SLC4A5: variants seen among roughly 807,000 people sequenced by gnomAD.
SLC4A5 encodes the protein electrogenic sodium bicarbonate cotransporter 4.
In SLC4A5, 96 loss-of-function variants were observed where a neutral mutation model predicts 120.4. That is an observed-to-expected ratio of 0.80 (90% CI 0.68 to 0.94). The LOEUF is 0.94. SLC4A5 is among the 40% of genes least tolerant of loss of function. The probability of loss-of-function intolerance (pLI) is 0.00; values close to 1 mark genes in which losing one functional copy is unlikely to be tolerated. For missense variants in SLC4A5, 1,259 were observed against 1,459.5 expected (o/e 0.86, Z 2.24); for synonymous variants, 550 against 571.1 (o/e 0.96, Z 0.53).
At chr2:74,219,210 TGTGTG>T (rs1558861638) in intron 30 of SLC4A5, among the ~76,000 whole-genome samples, 25 of 112,264 alleles carry the variant, frequency 2.2e-4, no homozygotes, top group African/African-American at 1.4e-3. Context: ...TGTGTGTGTG[TGTGTG>T]TGTGTTTGTG....
intron 5 of SLC4A5, among the ~76,000 whole-genome samples, chr2:74,323,824 A>G (rs555380151): frequency 9.4e-4 from 143 of 152,360 alleles, no homozygotes; most frequent in African/African-American, 3.2e-3. Flanking sequence ...CTGTGGTTGT[A>G]AGATAGTTAA....
rs567105273 is a variant in SLC4A5, at chr2:74,229,548, A to AC, written c.2848-1671dup. Reference sequence around the variant, plus strand: ...TGGGATTACAGGCTTGAGCCACCACACCCAGCCTGATTCGAGCTTTTTAAT... The same window carrying AC: ...TGGGATTACAGGCTTGAGCCACCACACCCCAGCCTGATTCGAGCTTTTTAAT... On this transcript the variant is annotated intron_variant, in intron 25 of 30. Coordinates refer to ENST00000394019, the Ensembl canonical transcript of SLC4A5. 2.8e-3 allele frequency among the ~76,000 whole-genome samples: 421 copies of AC among 152,006 alleles called. 4 individuals carry two copies. Among genetic ancestry groups the AC allele is most frequent in the African/African-American group, 9.6e-3 (400 of 41,472 alleles).
chr2:74,323,520 C>G (rs1040945065), intron 5 of SLC4A5, among the ~76,000 whole-genome samples: 2 of 152,010 alleles, frequency 1.3e-5, no homozygotes, highest in African/African-American at 4.8e-5. Flanking sequence ...CAGCTGTGTC[C>G]TCAAAAATCA....
intron 4 of SLC4A5, among the ~76,000 whole-genome samples, chr2:74,330,238 T>A (rs941101179): frequency 6.6e-6 from 1 of 151,204 alleles, no homozygotes; most frequent in Non-Finnish European, 1.5e-5. Flanking sequence ...GAGGTGTAGA[T>A]GGTGATGGTG....
At chr2:74,294,129 G>A (rs1050506612) in intron 7 of SLC4A5, among the ~76,000 whole-genome samples, 1 of 152,198 alleles carries the variant, frequency 6.6e-6, no homozygotes, top group African/African-American at 2.4e-5. Context: ...GGCTGGAGAA[G>A]GCCTAAGTAT....
intron 15 of SLC4A5, 72 bp downstream of exon 15, chr2:74,252,902 A>AG: frequency 6.5e-7 from 1 of 1,547,318 alleles, no homozygotes; most frequent in Non-Finnish European, 8.9e-7. Context: ...ATGTATTTTA[A>AG]AGAGAAATAA....
intron 6 of SLC4A5, among the ~76,000 whole-genome samples, chr2:74,310,639 C>G (rs757010608): frequency 8.7e-4 from 133 of 152,044 alleles, no homozygotes; most frequent in Admixed American, 4.6e-4. Flanking sequence ...CCTTAAATAC[C>G]TGGGATAAAT....
intron 30 of SLC4A5, among the ~76,000 whole-genome samples, chr2:74,221,163 T>C (rs909231211): frequency 2.6e-5 from 4 of 152,240 alleles, no homozygotes; most frequent in Non-Finnish European, 5.9e-5. Flanking sequence ...CTTTCAATTT[T>C]TGTTCTACCT....
chr2:74,332,701 A>G (rs1175819685), intron 4 of SLC4A5, among the ~76,000 whole-genome samples: 3 of 143,934 alleles, frequency 2.1e-5, no homozygotes, highest in East Asian at 4.5e-4. Flanking sequence ...AGGGGTGTCC[A>G]TTTGTGTGTG....
intron 4 of SLC4A5, among the ~76,000 whole-genome samples, chr2:74,332,418 C>A (rs1356246468): frequency 6.6e-6 from 1 of 152,210 alleles, no homozygotes; most frequent in Non-Finnish European, 1.5e-5. Flanking sequence ...TTTTCAACTG[C>A]ATGAAGACCT....
exon 5 of SLC4A5, chr2:74,328,127 T>C (rs1673262738): frequency 1.0e-6 from 1 of 985,782 alleles, no homozygotes; most frequent in African/African-American, 1.7e-5. Flanking sequence ...TACCTTTGTG[T>C]TCTTAGCTCT....
At chr2:74,220,121 G>A (rs921849833) in intron 30 of SLC4A5, among the ~76,000 whole-genome samples, 2 of 152,182 alleles carry the variant, frequency 1.3e-5, no homozygotes, top group African/African-American at 4.8e-5. Context: ...GGTAGGAGTG[G>A]GACTGCCCCT....
chr2:74,327,373 T>C (rs1172336424), intron 5 of SLC4A5, among the ~76,000 whole-genome samples: 1 of 152,170 alleles, frequency 6.6e-6, no homozygotes, highest in African/African-American at 2.4e-5. Flanking sequence ...TTATCTGGGA[T>C]TATTTTGTGA....
intron 12 of SLC4A5, among the ~76,000 whole-genome samples, chr2:74,258,748 G>A (rs1036692278): frequency 3.9e-5 from 6 of 152,348 alleles, no homozygotes; most frequent in Admixed American, 3.9e-4. Context: ...AGTGCATGTG[G>A]TGTGGAGCTT....
At chr2:74,247,881 C>G (rs1006930790) in intron 18 of SLC4A5, among the ~76,000 whole-genome samples, 3 of 148,812 alleles carry the variant, frequency 2.0e-5, no homozygotes, top group African/African-American at 7.8e-5. Flanking sequence ...TCAGTGCTCA[C>G]AGTTGGTAAC....
intron 29 of SLC4A5, 41 bp from the exon 30 acceptor site, chr2:74,221,542 G>C (rs1694646849): frequency 6.3e-7 from 1 of 1,599,874 alleles, no homozygotes; most frequent in South Asian, 1.1e-5. Context: ...GAGCAGGTTT[G>C]AGCACCATAT....
At chr2:74,228,016 G>T (rs1037785711) in intron 25 of SLC4A5, 138 bp from the exon 26 acceptor site, 1 of 626,780 alleles carries the variant, frequency 1.6e-6, no homozygotes, top group East Asian at 2.9e-5. Context: ...CAGCAGAACT[G>T]GGATGTGGGC....
chr2:74,284,584 G>A (rs538803927), intron 8 of SLC4A5, among the ~76,000 whole-genome samples: 4 of 152,116 alleles, frequency 2.6e-5, no homozygotes, highest in Admixed American at 1.3e-4. Context: ...TGTAAAGAAG[G>A]TGGAGAAATA....
chr2:74,333,526 T>TA (rs1176659309), intron 4 of SLC4A5, among the ~76,000 whole-genome samples: 1 of 152,186 alleles, frequency 6.6e-6, no homozygotes, highest in East Asian at 1.9e-4. Flanking sequence ...AAATACAGTA[T>TA]AAAAAACTAT....
Sources: allele counts gnomAD v4.1 joint callset (sites outside exome capture counted in the v4.1 genomes callset), GRCh38; gene constraint gnomAD v4.1.1; transcripts MANE v1.5; gene names NCBI Gene and HGNC (gene_info 2026-07-23, HGNC 2026-07-21).